The following LRRFIP1 variants were observed in gnomAD, a reference collection of about 807,000 sequenced individuals.
LRRFIP1 encodes leucine-rich repeat flightless-interacting protein 1.
Under a neutral mutation model 104.4 loss-of-function variants are expected in LRRFIP1, and 62 were observed. The ratio of observed to expected loss-of-function variants is 0.59; its 90% CI spans 0.48 to 0.73. The LOEUF (loss-of-function observed/expected upper bound fraction) is 0.73, where lower values mean the gene tolerates loss of function less well. Ranked by LOEUF, LRRFIP1 falls within the 30% of genes least tolerant of loss-of-function variation. The probability of loss-of-function intolerance (pLI) is 0.00; values close to 1 mark genes in which losing one functional copy is unlikely to be tolerated. For missense variants in LRRFIP1, 796 were observed against 824.5 expected (o/e 0.97, Z 0.42); for synonymous variants, 300 against 299.0 (o/e 1.00, Z -0.03).
At chr2:237,762,489 C>A in intron 19 of LRRFIP1, 1 of 811,850 alleles carries the variant, frequency 1.2e-6, no homozygotes, top group Non-Finnish European at 1.9e-6. Flanking sequence ...TCTTTGATGA[C>A]TCTGTCTTTA....
intron 13 of LRRFIP1, among the ~76,000 whole-genome samples, chr2:237,749,699 T>G (rs143990843): frequency 2.6e-5 from 4 of 152,356 alleles, no homozygotes; most frequent in African/African-American, 9.6e-5. Flanking sequence ...CTTTACCTAC[T>G]TTCACACAAC....
Position 237,627,709 on chromosome 2 carries a change from A to G in LRRFIP1, c.65A>G (p.Glu22Gly). ...CCCAACCGGGAGCGGCTCACGGCGG[A>G]GGACGACGCGCTCAACCAGATCGCG... Reference protein sequence around the residue: ...RLPNRERLTAEDDALNQIARE... With the variant: ...RLPNRERLTAGDDALNQIARE... Residue 22 changes from glutamate (E) to glycine (G), a missense_variant, in exon 1 of 24, where the codon GAG becomes GGG. Coordinates refer to ENST00000308482, the MANE Select transcript of LRRFIP1 (RefSeq NM_001137550.2). 2 of 1,365,618 alleles carry G rather than the reference A, an allele frequency of 1.5e-6. No homozygotes were observed. Among genetic ancestry groups the G allele is most frequent in the Admixed American group, 2.6e-5 (1 of 38,398 alleles). The allele number at this position is 1,365,618 out of a possible 1,614,324, so 84.6% of individuals were successfully genotyped here.
At position 237,717,764 on chromosome 2, in the gene LRRFIP1, ATAT is replaced by A; in HGVS notation, c.208_210del (p.Tyr70del). ...TTTTCTTTCCCTTCTGTCTATAGAA[ATAT>A]TATGGGCTGGATACAAAATGGGGTG... On this transcript the variant is annotated inframe_deletion, in exon 4 of 24. Coordinates refer to ENST00000308482, the MANE Select transcript of LRRFIP1 (RefSeq NM_001137550.2). This position sits in a 1 kb window ranked among gnomAD's most constrained non-coding sequence, Gnocchi z 4.2. 1 of 1,611,384 alleles carries A rather than the reference ATAT, an allele frequency of 6.2e-7. No individual in the cohort carries two copies. Among genetic ancestry groups the A allele is most frequent in the South Asian group, 1.1e-5 (1 of 91,030 alleles).
intron 1 of LRRFIP1, among the ~76,000 whole-genome samples, chr2:237,702,250 G>A (rs1379859872): frequency 6.6e-6 from 1 of 151,778 alleles, no homozygotes; most frequent in Non-Finnish European, 1.5e-5. Flanking sequence ...CTCGAGTCGT[G>A]GTTCGGCTTT....
chr2:237,691,120 T>G lies in LRRFIP1; in HGVS notation c.97-17424T>G, dbSNP rs918832666. ...CTCACGTTACCAAGTTGGGTCAGCG[T>G]GCAGAGAAAAGGGAATTGGGAATTG... is the stretch of plus-strand genomic sequence containing the variant. On this transcript the variant is annotated intron_variant, in intron 1 of 23. Transcript: ENST00000308482. This position sits in a 1 kb window ranked among gnomAD's most constrained non-coding sequence, Gnocchi z 5.4. 4.6e-5 allele frequency among the ~76,000 whole-genome samples: 7 copies of G among 151,718 alleles called. No homozygotes were observed. Among genetic ancestry groups the G allele is most frequent in the Non-Finnish European group, 8.8e-5 (6 of 68,028 alleles).
At chr2:237,681,678 C>CTTTTTTTTTTTTTTT (rs1172576547) in intron 1 of LRRFIP1, among the ~76,000 whole-genome samples, 964 of 44,846 alleles carry the variant, frequency 0.021, 290 homozygotes, top group East Asian at 0.034. Flanking sequence ...CAGTCCTATT[C>CTTTTTTTTTTTTTTT]TTTTTTTTTT....
intron 1 of LRRFIP1, among the ~76,000 whole-genome samples, chr2:237,690,029 C>T (rs567047911): frequency 6.6e-6 from 1 of 152,192 alleles, no homozygotes; most frequent in Non-Finnish European, 1.5e-5. Flanking sequence ...AGGAACTGAA[C>T]GAGGTGGCTT....
At chr2:237,659,931 A>C (rs1361545474) in intron 1 of LRRFIP1, among the ~76,000 whole-genome samples, 1 of 152,176 alleles carries the variant, frequency 6.6e-6, no homozygotes, top group Non-Finnish European at 1.5e-5. Context: ...GAGCCACCGC[A>C]AGTGGCCGAG....
rs1277294474 is a variant in LRRFIP1, at chr2:237,780,419, G to C, written c.*887G>C. 6.6e-6 allele frequency: 1 copy of C among 151,116 alleles called. No individual in the cohort carries two copies. The highest frequency in any genetic ancestry group is 2.4e-5 in the African/African-American group (1 of 41,042). The allele number at this position is 151,116 out of a possible 1,614,324, so 9.4% of individuals were successfully genotyped here. A position where few individuals can be genotyped will look rare whatever the true frequency, so the allele number is the denominator to read the frequency against. On this transcript the variant is annotated 3_prime_UTR_variant, in exon 24 of 24. Coordinates refer to ENST00000308482, the MANE Select transcript of LRRFIP1 (RefSeq NM_001137550.2). ...TCTTTTTATTTTTTAAGAATATCAA[G>C]TCAATTCATTTTTCTTTCCCTATTT...
Position 237,633,704 on chromosome 2 carries a change from GTC to G in LRRFIP1, c.96+5970_96+5971del, listed in dbSNP as rs374983374. 5.5e-4 allele frequency among the ~76,000 whole-genome samples: 84 copies of G among 152,324 alleles called. No homozygotes were observed. The East Asian group carries it at 0.015, about 27-fold the overall frequency. On this transcript the variant is annotated intron_variant, in intron 1 of 23. Coordinates refer to ENST00000308482, the MANE Select transcript of LRRFIP1 (RefSeq NM_001137550.2). ...TTAAATCCTGTGAAAAGAGTTCCGA[GTC>G]TCTCTGTTTGACAGAGAGAAAACAG...
chr2:237,637,900 G>T (rs138899026), intron 1 of LRRFIP1, among the ~76,000 whole-genome samples: 230 of 152,264 alleles, frequency 1.5e-3, no homozygotes, highest in African/African-American at 5.3e-3. Context: ...CATCTGGGAA[G>T]ATGTGGGGTT....
At chr2:237,745,550 G>A (rs1019690954) in intron 11 of LRRFIP1, among the ~76,000 whole-genome samples, 2 of 151,960 alleles carry the variant, frequency 1.3e-5, no homozygotes, top group African/African-American at 2.4e-5. Context: ...TGATGTAGAC[G>A]GTTACAAGCA....
intron 1 of LRRFIP1, among the ~76,000 whole-genome samples, chr2:237,628,141 C>T (rs1346108719): frequency 6.6e-6 from 1 of 152,224 alleles, no homozygotes; most frequent in East Asian, 1.9e-4. Context: ...TAGGCCCGAC[C>T]TGGAGGCAGT....
chr2:237,666,779 G>A (rs28655784), intron 1 of LRRFIP1, among the ~76,000 whole-genome samples: 4 of 144,770 alleles, frequency 2.8e-5, no homozygotes, highest in African/African-American at 1.1e-4. Context: ...CTTTCTCTCT[G>A]TCTCTTTCTT....
Position 237,760,922 on chromosome 2 carries a change from A to G in LRRFIP1, c.1459+717A>G, listed in dbSNP as rs544658584. Among the ~76,000 whole-genome samples the G allele has an allele frequency of 3.3e-5, 5 of 152,272 alleles. No individual in the cohort carries two copies. The East Asian group carries it at 7.7e-4, about 24-fold the overall frequency. Reference sequence around the variant, plus strand: ...ACCATTTTCAATGATCTGATTTGTCATAATTTGTCATAAGAGTTGGCTTTG... The same window carrying G: ...ACCATTTTCAATGATCTGATTTGTCGTAATTTGTCATAAGAGTTGGCTTTG... On this transcript the variant is annotated intron_variant, in intron 19 of 23. Transcript: ENST00000308482.
At position 237,739,257 on chromosome 2, in the gene LRRFIP1, A is replaced by C; in HGVS notation, c.581A>C (p.Asn194Thr). The change falls in exon 11 of 24, where the codon AAC becomes ACC. Residue 194 changes from asparagine to threonine, a missense_variant. Asn to Thr is a moderately conservative substitution (Grantham distance 65). Transcript: ENST00000308482. ...RAPSEYSGHL[N>T]SSSRASSRAS... is the part of the protein sequence containing the mutation. ...CCCTCGGAGTACAGCGGCCACCTCA[A>C]CTCCAGCTCCCGCGCCTCCTCCAGG... 1 of 1,564,350 alleles carries C rather than the reference A, an allele frequency of 6.4e-7. No homozygotes were observed. The highest frequency in any genetic ancestry group is 8.7e-7 in the Non-Finnish European group (1 of 1,155,120).
intron 11 of LRRFIP1, among the ~76,000 whole-genome samples, chr2:237,744,497 G>A (rs138377476): frequency 1.7e-4 from 26 of 152,298 alleles, no homozygotes; most frequent in African/African-American, 6.3e-4. Flanking sequence ...ACCAGGCATC[G>A]TGTGTACAGG....
intron 1 of LRRFIP1, among the ~76,000 whole-genome samples, chr2:237,690,816 A>C (rs1479079329): frequency 6.6e-6 from 1 of 152,216 alleles, no homozygotes; most frequent in Non-Finnish European, 1.5e-5. Context: ...CAAGCTATTG[A>C]AAGGTAGGCA....
intron 1 of LRRFIP1, among the ~76,000 whole-genome samples, chr2:237,647,897 G>A (rs2085239342): frequency 6.6e-6 from 1 of 152,092 alleles, no homozygotes; most frequent in Admixed American, 6.5e-5. Flanking sequence ...CATGAGAAGT[G>A]GAGGCTGCTG....
Sources: allele counts gnomAD v4.1 joint callset (sites outside exome capture counted in the v4.1 genomes callset), GRCh38; gene constraint gnomAD v4.1.1; non-coding constraint Gnocchi (gnomAD v3.1); transcripts MANE v1.5; gene names NCBI Gene and HGNC (gene_info 2026-07-23, HGNC 2026-07-21).